Variants in LAMP1 observed in about 807,000 individuals in gnomAD.
LAMP1 encodes the protein lysosome-associated membrane glycoprotein 1.
LAMP1 carries 7 observed loss-of-function variants against 37.5 expected under a neutral mutation model. The ratio of observed to expected loss-of-function variants is 0.19; its 90% CI spans 0.11 to 0.35. LAMP1 has a LOEUF of 0.35. LAMP1 is among the 10% of genes least tolerant of loss of function. The pLI, the probability that LAMP1 is intolerant of heterozygous loss-of-function variation, is 1.00. For missense variants in LAMP1, 537 were observed against 552.8 expected (o/e 0.97, Z 0.29); for synonymous variants, 236 against 229.1 (o/e 1.03, Z -0.27).
chr13:113,319,267 C>A (rs530700527), intron 4 of LAMP1, among the ~76,000 whole-genome samples: 15 of 152,230 alleles, frequency 9.9e-5, no homozygotes, highest in Admixed American at 6.5e-4. Flanking sequence ...CTGTGCCTAC[C>A]GCCCTGAGCC....
intron 2 of LAMP1, 105 bp downstream of exon 2, chr13:113,306,711 T>G (rs1425710548): frequency 1.6e-6 from 2 of 1,261,912 alleles, no homozygotes; most frequent in Non-Finnish European, 2.2e-6. Flanking sequence ...AACATGGTGC[T>G]TTTCCTATCT....
chr13:113,303,588 T>C (rs753549495), intron 1 of LAMP1, among the ~76,000 whole-genome samples: 16 of 152,076 alleles, frequency 1.1e-4, no homozygotes, highest in Non-Finnish European at 2.2e-4. Context: ...CTGACCCTTA[T>C]AGCATACATA....
intron 2 of LAMP1, among the ~76,000 whole-genome samples, chr13:113,307,375 C>T (rs2042605462): frequency 6.6e-6 from 1 of 151,466 alleles, no homozygotes; most frequent in South Asian, 2.1e-4. Flanking sequence ...CCAGGGTGGT[C>T]TCAAACTCCT....
Position 113,322,541 on chromosome 13 carries a change from T to A in LAMP1, c.*120T>A. On this transcript the variant is annotated 3_prime_UTR_variant, in exon 9 of 9. Transcript: ENST00000332556. Reference sequence around the variant, plus strand: ...TTTCTCAAATCTGCTTCATCCAATGTGAAGTTCATCTTGCAGCATTTACTA... The same window carrying A: ...TTTCTCAAATCTGCTTCATCCAATGAGAAGTTCATCTTGCAGCATTTACTA... The A allele has an allele frequency of 2.2e-6, 2 of 913,894 alleles. No homozygotes were observed. Among genetic ancestry groups the A allele is most frequent in the East Asian group, 5.3e-5 (2 of 37,704 alleles). The allele number at this position is 913,894 out of a possible 1,614,324, so 56.6% of individuals were successfully genotyped here. A position where few individuals can be genotyped will look rare whatever the true frequency, so the allele number is the denominator to read the frequency against.
Position 113,321,314 on chromosome 13 carries a change from C to T in LAMP1, c.877-90C>T, listed in dbSNP as rs1159117082. On this transcript the variant is annotated intron_variant, in intron 6 of 8. Transcript: ENST00000332556. The surrounding 1 kb of genome is among the most constrained non-coding windows in gnomAD (Gnocchi z 5.6). ...AGGTTTATTACCCAATGACCATTCA[C>T]GTTTGATGATAAATGTGTGAATCTA... is the stretch of plus-strand genomic sequence containing the variant. 8 of 1,045,868 alleles carry T rather than the reference C, an allele frequency of 7.6e-6. No individual in the cohort carries two copies. The highest frequency in any genetic ancestry group is 2.1e-4 in the Middle Eastern group (1 of 4,794). The allele number at this position is 1,045,868 out of a possible 1,614,324, so 64.8% of individuals were successfully genotyped here. A position where few individuals can be genotyped will look rare whatever the true frequency, so the allele number is the denominator to read the frequency against.
At chr13:113,306,900 C>T (rs1360340551) in intron 2 of LAMP1, among the ~76,000 whole-genome samples, 16 of 115,404 alleles carry the variant, frequency 1.4e-4, no homozygotes, top group South Asian at 1.2e-3. Context: ...AGTGCAGTGG[C>T]GCGATCTCTG....
chr13:113,299,829 G>A (rs948037582), intron 1 of LAMP1, among the ~76,000 whole-genome samples: 2 of 152,118 alleles, frequency 1.3e-5, no homozygotes, highest in African/African-American at 2.4e-5. Context: ...CTCCCAAAGT[G>A]CTGGGATTAC....
intron 8 of LAMP1, chr13:113,322,035 C>G: frequency 6.9e-6 from 4 of 580,098 alleles, no homozygotes; most frequent in South Asian, 6.7e-5. Context: ...AGGCCCTGGA[C>G]GCAGCACAGC....
chr13:113,301,654 T>A (rs2042574657), intron 1 of LAMP1, among the ~76,000 whole-genome samples: 1 of 394 alleles, frequency 2.5e-3, no homozygotes, highest in African/African-American at 4.0e-3. Flanking sequence ...AATATATATA[T>A]ATATATATAT....
intron 8 of LAMP1, 200 bp from the exon 9 acceptor site, chr13:113,322,082 G>GC: frequency 9.8e-6 from 6 of 612,844 alleles, no homozygotes; most frequent in Non-Finnish European, 1.7e-5. Flanking sequence ...ACGGGGGAGA[G>GC]ACGTGTGTGG....
Position 113,309,804 on chromosome 13 carries a change from C to T in LAMP1, c.345C>T (p.Leu115=). ...TRNATRYSVQ[L]MSFVYNLSDT... is the part of the protein sequence containing the mutation. ...ATGCAACACGTTACAGCGTCCAGCTCATGAGTTTTGTTTATAACTTGTCAG... is the reference window on the plus strand; with the variant it reads ...ATGCAACACGTTACAGCGTCCAGCTTATGAGTTTTGTTTATAACTTGTCAG... Residue 115 remains leucine, a synonymous_variant, in exon 3 of 9, where the codon CTC becomes CTT. Transcript: ENST00000332556. 6.2e-7 allele frequency: 1 copy of T among 1,614,030 alleles called. No homozygotes were observed. Among genetic ancestry groups the T allele is most frequent in the East Asian group, 2.2e-5 (1 of 44,882 alleles).
At chr13:113,315,600 A>G (rs2042659015) in intron 4 of LAMP1, among the ~76,000 whole-genome samples, 1 of 151,070 alleles carries the variant, frequency 6.6e-6, no homozygotes, top group Non-Finnish European at 1.5e-5. Context: ...CATGTTGGCC[A>G]GGCTGGTCTT....
chr13:113,304,125 A>G (rs2042586948), intron 1 of LAMP1, among the ~76,000 whole-genome samples: 2 of 152,222 alleles, frequency 1.3e-5, no homozygotes, highest in African/African-American at 2.4e-5. Context: ...AAAAAATTGT[A>G]TAATTGAAAA....
At chr13:113,318,002 T>C (rs2042676038) in intron 4 of LAMP1, among the ~76,000 whole-genome samples, 1 of 152,346 alleles carries the variant, frequency 6.6e-6, no homozygotes, top group East Asian at 1.9e-4. Flanking sequence ...TGAAGCTGTT[T>C]TGGAAAGGAC....
In LAMP1 at chr13:113,321,969, G is replaced by C. The variant is rs1052081849; in HGVS notation, c.1114+242G>C. The C allele has an allele frequency of 1.7e-5, 10 of 591,600 alleles. No homozygotes were observed. The African/African-American group carries it at 1.9e-4, about 11-fold the overall frequency. The allele number at this position is 591,600 out of a possible 1,614,324, so 36.6% of individuals were successfully genotyped here. A position where few individuals can be genotyped will look rare whatever the true frequency, so the allele number is the denominator to read the frequency against. On this transcript the variant is annotated intron_variant, in intron 8 of 8. Coordinates refer to ENST00000332556, the MANE Select transcript of LAMP1 (RefSeq NM_005561.4). The surrounding 1 kb of genome is among the most constrained non-coding windows in gnomAD (Gnocchi z 5.6). The stretch of plus-strand genomic sequence containing the variant: ...AGTAAGGGAATCATTTTAAGAAACA[G>C]TGGTGGCGCTTCTCCCATGAACGTT...
chr13:113,315,493 G>C (rs907474803), intron 4 of LAMP1, among the ~76,000 whole-genome samples: 1 of 145,744 alleles, frequency 6.9e-6, no homozygotes, highest in Admixed American at 7.1e-5. Flanking sequence ...GGGTTCAAGC[G>C]ATTCTCCTCC....
At chr13:113,311,671 G>A (rs2042631677) in intron 4 of LAMP1, among the ~76,000 whole-genome samples, 1 of 152,232 alleles carries the variant, frequency 6.6e-6, no homozygotes, top group Non-Finnish European at 1.5e-5. Flanking sequence ...CAGGGTCCAG[G>A]CCACCTCCTA....
chr13:113,302,511 GT>G (rs1458092653), intron 1 of LAMP1, among the ~76,000 whole-genome samples: 1 of 152,152 alleles, frequency 6.6e-6, no homozygotes, highest in Admixed American at 6.5e-5. Context: ...TTAAAATGAA[GT>G]TTTTTACTCA....
chr13:113,304,823 A>G (rs1008861080), intron 1 of LAMP1: 1 of 151,792 alleles, frequency 6.6e-6, no homozygotes, highest in African/African-American at 2.4e-5. Context: ...TGCCCAGATA[A>G]TTTTTGTATT....
Sources: allele counts gnomAD v4.1 joint callset (sites outside exome capture counted in the v4.1 genomes callset), GRCh38; gene constraint gnomAD v4.1.1; non-coding constraint Gnocchi (gnomAD v3.1); transcripts MANE v1.5; gene names NCBI Gene and HGNC (gene_info 2026-07-23, HGNC 2026-07-21).